POU6F2: variants seen among roughly 807,000 people sequenced by gnomAD.
The protein encoded by POU6F2 is POU domain, class 6, transcription factor 2.
POU6F2 carries 31 observed loss-of-function variants against 71.3 expected under a neutral mutation model. The observed-to-expected ratio is 0.43, with a 90% CI of 0.33 to 0.59. The LOEUF is 0.59. POU6F2 is among the 20% of genes least tolerant of loss of function. The pLI is 0.04. For missense variants in POU6F2, 783 were observed against 856.8 expected (o/e 0.91, Z 1.07); for synonymous variants, 347 against 355.7 (o/e 0.98, Z 0.27).
chr7:39,411,537 G>T (rs1444653159), intron 6 of POU6F2, among the ~76,000 whole-genome samples: 1 of 152,142 alleles, frequency 6.6e-6, no homozygotes, highest in Non-Finnish European at 1.5e-5. Context: ...AGTCAAGGGG[G>T]GGGAAGTCAA....
In POU6F2 at chr7:39,424,125, C is replaced by T. The variant is rs150676039; in HGVS notation, c.1114-8952C>T. ...TTACATAGTGGTAGGGACCAGGGAA[C>T]TCTCTGGGGTCTCTTTTATATGGAC... On this transcript the variant is annotated intron_variant, in intron 6 of 9. Transcript: ENST00000518318. Among the ~76,000 whole-genome samples, 331 of 152,294 alleles carry T rather than the reference C, an allele frequency of 2.2e-3. 2 individuals carry two copies. The highest frequency in any genetic ancestry group is 7.2e-3 in the African/African-American group (299 of 41,562).
chr7:39,354,515 C>T (rs1314219597), intron 5 of POU6F2, among the ~76,000 whole-genome samples: 2 of 152,144 alleles, frequency 1.3e-5, no homozygotes, highest in East Asian at 3.8e-4. Flanking sequence ...AGATATGGTC[C>T]TGGTGTTCTA....
At chr7:39,247,829 CA>C (rs1257792848) in intron 4 of POU6F2, among the ~76,000 whole-genome samples, 1 of 152,148 alleles carries the variant, frequency 6.6e-6, no homozygotes, top group Non-Finnish European at 1.5e-5. Context: ...CACAGTATTC[CA>C]GGGCAGCTAA....
intron 4 of POU6F2, among the ~76,000 whole-genome samples, chr7:39,299,646 G>T (rs531581299): frequency 5.3e-5 from 8 of 152,118 alleles, no homozygotes; most frequent in Admixed American, 4.6e-4. Flanking sequence ...AAAATCGTGA[G>T]AACTAAATAA....
chr7:39,458,467 T>C (rs1276259845), intron 8 of POU6F2, among the ~76,000 whole-genome samples: 1 of 152,104 alleles, frequency 6.6e-6, no homozygotes, highest in African/African-American at 2.4e-5. Flanking sequence ...GGGATTTCTT[T>C]CACGGGGAAA....
At chr7:39,102,816 G>T (rs1791604029) in intron 2 of POU6F2, among the ~76,000 whole-genome samples, 1 of 152,152 alleles carries the variant, frequency 6.6e-6, no homozygotes, top group Admixed American at 6.5e-5. Context: ...ACTTAGGTTT[G>T]TATGGTACAG....
chr7:39,006,256 G>T (rs1220219525), intron 1 of POU6F2, among the ~76,000 whole-genome samples: 1 of 152,156 alleles, frequency 6.6e-6, no homozygotes, highest in African/African-American at 2.4e-5. Context: ...CTGAGGTCAG[G>T]AGTTTGAGGC....
chr7:39,282,879 C>G (rs1784584685), intron 4 of POU6F2, among the ~76,000 whole-genome samples: 1 of 152,080 alleles, frequency 6.6e-6, no homozygotes, highest in South Asian at 2.1e-4. Context: ...GTAGTATGAA[C>G]ATTTTAATAA....
intron 2 of POU6F2, among the ~76,000 whole-genome samples, chr7:39,137,800 A>T (rs1388888897): frequency 6.6e-6 from 1 of 152,284 alleles, no homozygotes; most frequent in East Asian, 1.9e-4. Flanking sequence ...GATGAGTTAC[A>T]GTTCAACCTG....
At chr7:39,103,240 A>G (rs889929710) in intron 2 of POU6F2, among the ~76,000 whole-genome samples, 3 of 152,338 alleles carry the variant, frequency 2.0e-5, no homozygotes, top group African/African-American at 7.2e-5. Flanking sequence ...GTGTTCTAAA[A>G]GAGAAGTGAC....
Position 39,398,391 on chromosome 7 carries a change from TAAA to T in POU6F2, c.973-8195_973-8193del, listed in dbSNP as rs75282740. Among the ~76,000 whole-genome samples, 697 of 116,972 alleles carry T rather than the reference TAAA, an allele frequency of 6.0e-3. 3 individuals are homozygous for T. The highest frequency in any genetic ancestry group is 0.021 in the African/African-American group (654 of 31,608). 76.7% of individuals were successfully genotyped at this position (116,972 alleles called of 152,430 possible). On this transcript the variant is annotated intron_variant, in intron 5 of 9. Transcript: ENST00000518318. ...GGAAAATTGTGAGCATATATAAAAG[TAAA>T]AAAAAAAAAAAAAGTCTAATGAGCC...
intron 5 of POU6F2, among the ~76,000 whole-genome samples, chr7:39,374,013 A>G (rs1479761720): frequency 2.6e-5 from 4 of 152,232 alleles, no homozygotes; most frequent in Non-Finnish European, 5.9e-5. Flanking sequence ...TATTGATCAC[A>G]TGGTTATTAA....
At chr7:39,341,931 C>A (rs895209056) in intron 5 of POU6F2, among the ~76,000 whole-genome samples, 12 of 152,194 alleles carry the variant, frequency 7.9e-5, no homozygotes, top group African/African-American at 2.7e-4. Context: ...CTAACAGTTT[C>A]TCGTGGAAAT....
intron 4 of POU6F2, among the ~76,000 whole-genome samples, chr7:39,265,978 AT>A (rs1443788803): frequency 6.6e-6 from 1 of 152,178 alleles, no homozygotes; most frequent in Non-Finnish European, 1.5e-5. Context: ...AAGTCCGTAC[AT>A]TTTCTAATTG....
In POU6F2 at chr7:39,127,449, GGACCAT is replaced by G. The variant is rs1400234890; in HGVS notation, c.277+41420_277+41425del. ...TACTAGGCACTGGAGTAAAGAATGG[GGACCAT>G]GTATAGAAACGAAAAAGACAAGCAA... On this transcript the variant is annotated intron_variant, in intron 2 of 9. Transcript: ENST00000518318. Among the ~76,000 whole-genome samples the G allele has an allele frequency of 5.9e-5, 9 of 152,208 alleles. No individual in the cohort carries two copies. In the South Asian group the frequency reaches 1.9e-3, roughly 32 times the overall value.
chr7:39,315,037 C>T (rs1382768619), intron 4 of POU6F2, among the ~76,000 whole-genome samples: 2 of 152,164 alleles, frequency 1.3e-5, no homozygotes, highest in African/African-American at 4.8e-5. Flanking sequence ...CATTTCACAG[C>T]GTTTCCGTGA....
chr7:39,119,455 T>A (rs909130451), intron 2 of POU6F2, among the ~76,000 whole-genome samples: 1 of 152,196 alleles, frequency 6.6e-6, no homozygotes, highest in African/African-American at 2.4e-5. Flanking sequence ...AAGATGGTGA[T>A]ATAATTTGCT....
intron 2 of POU6F2, among the ~76,000 whole-genome samples, chr7:39,122,558 AGGAAGAAGGAATATT>A (rs1245391414): frequency 1.3e-5 from 2 of 152,170 alleles, no homozygotes; most frequent in African/African-American, 4.8e-5. Flanking sequence ...AGGCAATCTA[AGGAAGAAGGAATATT>A]GCCTTTCCCT....
intron 5 of POU6F2, among the ~76,000 whole-genome samples, chr7:39,357,134 G>A (rs886810783): frequency 1.3e-5 from 2 of 152,050 alleles, no homozygotes; most frequent in Non-Finnish European, 2.9e-5. Context: ...GAGACCCAAA[G>A]AAAATGAAAA....
Sources: gnomAD v4.1 joint callset for allele counts (sites outside exome capture counted in the v4.1 genomes callset) on GRCh38, gnomAD v4.1.1 for gene constraint, MANE v1.5 for transcripts, NCBI Gene and HGNC (gene_info 2026-07-23, HGNC 2026-07-21) for gene names.